MAMDC4: variants seen among roughly 807,000 people sequenced by gnomAD.
MAMDC4 encodes the protein MAM domain containing 4.
Under a neutral mutation model 153.3 loss-of-function variants are expected in MAMDC4, and 168 were observed. That is an observed-to-expected ratio of 1.10 (90% CI 0.97 to 1.25). The LOEUF (loss-of-function observed/expected upper bound fraction) is 1.25, where lower values mean the gene tolerates loss of function less well. Among genes scored for constraint, MAMDC4 ranks in the 50% most tolerant of loss-of-function variants. The probability of loss-of-function intolerance (pLI) is 0.00; values close to 1 mark genes in which losing one functional copy is unlikely to be tolerated. For synonymous variants in MAMDC4, 744 were observed against 651.5 expected (o/e 1.14, Z -2.16); for missense variants, 1,701 against 1,542.8 (o/e 1.10, Z -1.72).
At position 136,854,927 on chromosome 9, in the gene MAMDC4, G is replaced by T; in HGVS notation, c.1024-10G>T. On this transcript the variant is annotated splice_polypyrimidine_tract_variant and intron_variant, in intron 9 of 26. Coordinates refer to ENST00000317446, the MANE Select transcript of MAMDC4 (RefSeq NM_206920.3). ...CGGTGCAGGCCCCCAGCCAGCTCTT[G>T]GTTCCACAGCTGGTCTTCTATCAGT... 6.2e-7 allele frequency: 1 copy of T among 1,612,124 alleles called. No homozygotes were observed. Among genetic ancestry groups the T allele is most frequent in the South Asian group, 1.1e-5 (1 of 91,020 alleles).
rs754033917 is a variant in MAMDC4, at chr9:136,857,219, G to A, written c.2027G>A (p.Arg676Gln). 3.7e-5 allele frequency: 59 copies of A among 1,611,064 alleles called. No homozygotes were observed. The Admixed American group carries it at 3.9e-4, about 11-fold the overall frequency. ...REGEETHLWSRSGTQGNRWHE... is the reference protein window; with the variant it reads ...REGEETHLWSQSGTQGNRWHE... ...GGGGAGGAGACACACCTGTGGTCGC[G>A]GTCAGGCACCCAGGGCAACCGCTGG... is the stretch of plus-strand genomic sequence containing the variant. Residue 676 changes from arginine to glutamine, a missense_variant, in exon 17 of 27, where the codon CGG becomes CAG. Coordinates refer to ENST00000317446, the MANE Select transcript of MAMDC4 (RefSeq NM_206920.3).
At position 136,854,098 on chromosome 9, in the gene MAMDC4, T is replaced by C. The variant is rs909116131; in HGVS notation, c.670+22T>C. ...CCCAGTAAGGCACCGCCTCTTCCTG[T>C]TCCACCCCCGGGAGGGCCCCCACCT... On this transcript the variant is annotated intron_variant, in intron 6 of 26. Coordinates refer to ENST00000317446, the MANE Select transcript of MAMDC4 (RefSeq NM_206920.3). The C allele has an allele frequency of 3.1e-6, 5 of 1,612,000 alleles. No homozygotes were observed. In the African/African-American group the frequency reaches 6.7e-5, roughly 22 times the overall value.
Position 136,855,525 on chromosome 9 carries a change from G to A in MAMDC4, c.1377G>A (p.Gln459=). 1 of 1,593,352 alleles carries A rather than the reference G, an allele frequency of 6.3e-7. No homozygotes were observed. Among genetic ancestry groups the A allele is most frequent in the Non-Finnish European group, 8.5e-7 (1 of 1,170,346 alleles). ...CGCGGCTCCAGGATTCCTGCAAGCAGGGGCATCTTGCCTGCGGGGACCTGT... is the reference window on the plus strand; with the variant it reads ...CGCGGCTCCAGGATTCCTGCAAGCAAGGGCATCTTGCCTGCGGGGACCTGT... ...PSSRLQDSCK[Q]GHLACGDLCV... Residue 459 remains glutamine (Q), a synonymous_variant, in exon 12 of 27, where the codon CAG becomes CAA. Coordinates refer to ENST00000317446, the MANE Select transcript of MAMDC4 (RefSeq NM_206920.3).
intron 20 of MAMDC4, 26 bp from the exon 21 acceptor site, chr9:136,858,160 A>T (rs1849034557): frequency 6.5e-7 from 1 of 1,547,114 alleles, no homozygotes; most frequent in African/African-American, 1.4e-5. Flanking sequence ...GGACCCGCTG[A>T]GGCTGCCCTG....
At chr9:136,855,914 T>G in intron 13 of MAMDC4, 66 bp downstream of exon 13, 7 of 1,506,438 alleles carry the variant, frequency 4.6e-6, no homozygotes, top group Non-Finnish European at 2.7e-6. Context: ...GAGGGGTCTC[T>G]GCTCTGCCTC....
At position 136,854,332 on chromosome 9, in the gene MAMDC4, C is replaced by T. The variant is rs766684046; in HGVS notation, c.792C>T (p.Thr264=). The T allele has an allele frequency of 1.0e-5, 16 of 1,565,294 alleles. No individual in the cohort carries two copies. The highest frequency in any genetic ancestry group is 1.3e-5 in the Non-Finnish European group (15 of 1,155,740). Residue 264 remains threonine (T), a synonymous_variant, in exon 7 of 27, where the codon ACC becomes ACT. Coordinates refer to ENST00000317446, the MANE Select transcript of MAMDC4 (RefSeq NM_206920.3). ...CGDLSDENPL[T]CGRHIATDFE... is the part of the protein sequence containing the mutation. ...ACCTGTCTGATGAGAACCCACTCAC[C>T]TGTGGTGAGGCCGGAGTGGGGGCCC...
rs763891142 is a variant in MAMDC4, at chr9:136,853,632, C to T, written c.416C>T (p.Ser139Phe). 1 of 1,608,472 alleles carries T rather than the reference C, an allele frequency of 6.2e-7. No individual in the cohort carries two copies. The highest frequency in any genetic ancestry group is 2.2e-5 in the East Asian group (1 of 44,592). ...CCAACCCTGCGAGAGGCAGCCTCCTCTTGCAAGCTGAGGCTCTGGTACCAC... is the reference window on the plus strand; with the variant it reads ...CCAACCCTGCGAGAGGCAGCCTCCTTTTGCAAGCTGAGGCTCTGGTACCAC... ...RSPTLREAAS[S>F]CKLRLWYHAA... is the part of the protein sequence containing the mutation. The change falls in exon 4 of 27, where the codon TCT becomes TTT. Residue 139 changes from serine to phenylalanine, a missense_variant. Coordinates refer to ENST00000317446, the MANE Select transcript of MAMDC4 (RefSeq NM_206920.3).
chr9:136,853,829 G>C lies in MAMDC4; in HGVS notation c.507G>C (p.Leu169=). 1 of 1,560,924 alleles carries C rather than the reference G, an allele frequency of 6.4e-7. No individual in the cohort carries two copies. Among genetic ancestry groups the C allele is most frequent in the Non-Finnish European group, 8.8e-7 (1 of 1,134,958 alleles). ...CCCATGGCGCAGAGACCCTGACCCT[G>C]TGGCAGAGCACAGGGCCCTGGGGCC... is the stretch of plus-strand genomic sequence containing the variant. ...ELTHGAETLT[L]WQSTGPWGPG... Residue 169 remains leucine, a synonymous_variant, in exon 5 of 27, where the codon CTG becomes CTC. Coordinates refer to ENST00000317446, the MANE Select transcript of MAMDC4 (RefSeq NM_206920.3).
At position 136,860,586 on chromosome 9, in the gene MAMDC4, G is replaced by C. The variant is rs201214804; in HGVS notation, c.3397G>C (p.Val1133Leu). ...GGATGGTGTCACCCTCCCGGCATCTGTCACCAGTGATCCGTAGACCACCCC... is the reference window on the plus strand; with the variant it reads ...GGATGGTGTCACCCTCCCGGCATCTCTCACCAGTGATCCGTAGACCACCCC... Reference protein sequence around the residue: ...NADGVTLPASVTSDP With the variant: ...NADGVTLPASLTSDP The change falls in exon 27 of 27, where the codon GTC (valine) becomes CTC (leucine). Residue 1133 changes from valine to leucine, a missense_variant. Physicochemically the swap from Val to Leu is conservative, Grantham distance 32. Transcript: ENST00000317446. The C allele has an allele frequency of 6.2e-7, 1 of 1,613,074 alleles. No homozygotes were observed. The highest frequency in any genetic ancestry group is 2.2e-5 in the East Asian group (1 of 44,880).
Position 136,857,296 on chromosome 9 carries a change from C to G in MAMDC4, c.2104C>G (p.Gln702Glu). ...SHQPGSHAQY[Q>E]LLFEGLRDGY... ...CCAGCCTGGCTCCCATGCCCAGTAC[C>G]AGGTGAGGCCTGGCACCCGGGTGGG... The change falls in exon 17 of 27, where the codon CAG becomes GAG. Residue 702 changes from glutamine (Q) to glutamate (E), a missense_variant and splice_region_variant. Physicochemically the swap from Gln to Glu is conservative, Grantham distance 29. Transcript: ENST00000317446. The G allele has an allele frequency of 6.2e-7, 1 of 1,604,240 alleles. No individual in the cohort carries two copies. Among genetic ancestry groups the G allele is most frequent in the South Asian group, 1.1e-5 (1 of 90,088 alleles).
chr9:136,854,453 G>A, intron 7 of MAMDC4, 86 bp from the exon 8 acceptor site: 1 of 1,521,614 alleles, frequency 6.6e-7, no homozygotes, highest in Non-Finnish European at 8.8e-7. Flanking sequence ...CTTGGGGTGT[G>A]GTTGCCAGGG....
Position 136,858,751 on chromosome 9 carries a change from G to C in MAMDC4, c.2854G>C (p.Gly952Arg), listed in dbSNP as rs2131239218. Residue 952 changes from glycine (G) to arginine (R), a missense_variant, in exon 23 of 27, where the codon GGC (glycine) becomes CGC (arginine). Transcript: ENST00000317446. ...TGCCTTCTTTGAAACTGGCGTGCTG[G>C]GCCCCGGGGGCCGGGCCGCCTGGCT... is the stretch of plus-strand genomic sequence containing the variant. ...HFAFFETGVL[G>R]PGGRAAWLRS... is the part of the protein sequence containing the mutation. The C allele has an allele frequency of 5.6e-6, 9 of 1,611,264 alleles. No individual in the cohort carries two copies. Among genetic ancestry groups the C allele is most frequent in the Non-Finnish European group, 7.6e-6 (9 of 1,179,402 alleles).
rs757863815 is a variant in MAMDC4, at chr9:136,853,297, C to T, written c.167C>T (p.Ala56Val). 3 of 1,602,018 alleles carry T rather than the reference C, an allele frequency of 1.9e-6. No individual in the cohort carries two copies. Among genetic ancestry groups the T allele is most frequent in the South Asian group, 1.1e-5 (1 of 90,340 alleles). ...CCCACTCTCCCAGGTTACCACGGGG[C>T]CTCGCCCACCCTGGGCGCCCCCTTC... ...SDEAQCGYHGASPTLGAPFAC... is the reference protein window; with the variant it reads ...SDEAQCGYHGVSPTLGAPFAC... Residue 56 changes from alanine to valine, a missense_variant, in exon 3 of 27, where the codon GCC becomes GTC. Transcript: ENST00000317446.
chr9:136,858,377 A>G (rs375434933), intron 21 of MAMDC4, 23 bp from the exon 22 acceptor site: 6 of 1,599,826 alleles, frequency 3.8e-6, no homozygotes, highest in Non-Finnish European at 5.1e-6. Context: ...GGGCAGCACC[A>G]CTCACCCACC....
rs750142526 is a variant in MAMDC4, at chr9:136,858,257, C to T, written c.2655C>T (p.Asp885=). The change falls in exon 21 of 27, where the codon GAC becomes GAT. Residue 885 remains aspartate, a synonymous_variant. Transcript: ENST00000317446. ...CTCTGGATGATCTGCTCCTCCAGGA[C>T]GGGCCCTGCCCTCAGCCAGGTGGGA... ...YVALDDLLLQ[D]GPCPQPGSCD... is the part of the protein sequence containing the mutation. The T allele has an allele frequency of 3.7e-6, 6 of 1,601,520 alleles. No individual in the cohort carries two copies. The highest frequency in any genetic ancestry group is 1.7e-5 in the Admixed American group (1 of 59,714).
chr9:136,859,505 G>A (rs1247110496), intron 25 of MAMDC4, 188 bp downstream of exon 25: 4 of 638,774 alleles, frequency 6.3e-6, no homozygotes, highest in African/African-American at 3.7e-5. Flanking sequence ...TGGGGCCGCT[G>A]CCTGGGCTGG....
chr9:136,854,899 C>T, intron 9 of MAMDC4, 38 bp from the exon 10 acceptor site: 1 of 1,612,524 alleles, frequency 6.2e-7, no homozygotes, highest in Non-Finnish European at 8.5e-7. Context: ...GTGCTGGCTG[C>T]CCCGGTGCAG....
chr9:136,857,750 G>A lies in MAMDC4; in HGVS notation c.2418G>A (p.Gln806=), dbSNP rs2131237893. Residue 806 remains glutamine (Q), a synonymous_variant, in exon 19 of 27, where the codon CAG becomes CAA. Transcript: ENST00000317446. ...CCAAGGAGCACAGGCCCCTGGCCCAGCCTGCTTGTCTGACCTTCTGGTACC... is the reference window on the plus strand; with the variant it reads ...CCAAGGAGCACAGGCCCCTGGCCCAACCTGCTTGTCTGACCTTCTGGTACC... ...LTSKEHRPLA[Q]PACLTFWYHG... The A allele has an allele frequency of 1.2e-6, 2 of 1,612,670 alleles. No individual in the cohort carries two copies. The highest frequency in any genetic ancestry group is 2.2e-5 in the South Asian group (2 of 91,074).
chr9:136,855,449 C>T lies in MAMDC4; in HGVS notation c.1301C>T (p.Pro434Leu), dbSNP rs778895312. Residue 434 changes from proline (P) to leucine (L), a missense_variant, in exon 12 of 27, where the codon CCG becomes CTG. Pro to Leu is a moderately conservative substitution (Grantham distance 98). Coordinates refer to ENST00000317446, the MANE Select transcript of MAMDC4 (RefSeq NM_206920.3). ...CCCACAGAGGTGTCCACCCTGCAGC[C>T]GCTGCCTCCTGGGCCCCGGGCCCCA... ...RPVSEVSTLQ[P>L]LPPGPRAPAP... is the part of the protein sequence containing the mutation. The T allele has an allele frequency of 1.6e-5, 26 of 1,609,438 alleles. No individual in the cohort carries two copies. Among genetic ancestry groups the T allele is most frequent in the Middle Eastern group, 3.3e-4 (2 of 6,074 alleles).
Sources: gnomAD v4.1 joint callset for allele counts on GRCh38, gnomAD v4.1.1 for gene constraint, MANE v1.5 for transcripts, NCBI Gene and HGNC (gene_info 2026-07-23, HGNC 2026-07-21) for gene names.